The following RERE variants were observed in gnomAD, a reference collection of about 807,000 sequenced individuals.
RERE encodes arginine-glutamic acid dipeptide repeats protein.
In RERE, 40 loss-of-function variants were observed where a neutral mutation model predicts 146.1. The observed-to-expected ratio is 0.27, with a 90% CI of 0.21 to 0.36. RERE has a LOEUF of 0.36. Ranked by LOEUF, RERE falls within the 10% of genes least tolerant of loss-of-function variation. The pLI is 1.00. For missense variants in RERE, 1,933 were observed against 2,138.7 expected (o/e 0.90, Z 1.90); for synonymous variants, 1,003 against 866.0 (o/e 1.16, Z -2.78).
At chr1:8,591,828 A>C (rs1646497937) in intron 4 of RERE, among the ~76,000 whole-genome samples, 1 of 152,234 alleles carries the variant, frequency 6.6e-6, no homozygotes, top group Non-Finnish European at 1.5e-5. Flanking sequence ...TGTGAAACAC[A>C]TCTAACGTAT....
At chr1:8,634,833 T>G (rs1236721954) in intron 2 of RERE, among the ~76,000 whole-genome samples, 4 of 152,180 alleles carry the variant, frequency 2.6e-5, no homozygotes, top group Non-Finnish European at 5.9e-5. Context: ...CCTCCCAGGT[T>G]CAAGCCATTC....
At chr1:8,673,256 C>T (rs977841811) in intron 1 of RERE, among the ~76,000 whole-genome samples, 1 of 152,064 alleles carries the variant, frequency 6.6e-6, no homozygotes, top group African/African-American at 2.4e-5. Flanking sequence ...CCACCACACC[C>T]GGCTAATTTT....
intron 10 of RERE, among the ~76,000 whole-genome samples, chr1:8,481,650 A>G (rs1253385919): frequency 2.0e-5 from 3 of 152,246 alleles, no homozygotes; most frequent in African/African-American, 7.2e-5. Context: ...TTTCAATTTT[A>G]TAATCAGGAA....
At chr1:8,569,959 C>T (rs1434984678) in intron 4 of RERE, among the ~76,000 whole-genome samples, 1 of 152,098 alleles carries the variant, frequency 6.6e-6, no homozygotes, top group Non-Finnish European at 1.5e-5. Context: ...ACATCTTAAG[C>T]TTCAAGATTC....
Position 8,360,550 on chromosome 1 carries a change from G to A in RERE, c.2957C>T (p.Pro986Leu). Residue 986 changes from proline (P) to leucine (L), a missense_variant, in exon 18 of 23, where the codon CCA becomes CTA. Around this residue, in one of 11 missense-constraint regions of RERE, gnomAD observed 1,255 missense variants for 1,153.8 expected, o/e 1.09. Coordinates refer to ENST00000400908, the MANE Select transcript of RERE (RefSeq NM_001042681.2). The part of the protein sequence containing the change: ...STHHPPSAHP[P>L]PLQLMPQSQP... ...GCTCTGAGGCATGAGTTGCAGGGGT[G>A]GGGGGTGAGCCGACGGGGGGTGATG... The A allele has an allele frequency of 3.3e-6, 3 of 917,946 alleles. No homozygotes were observed. Among genetic ancestry groups the A allele is most frequent in the Non-Finnish European group, 4.4e-6 (3 of 678,944 alleles). 56.9% of individuals were successfully genotyped at this position (917,946 alleles called of 1,614,324 possible).
chr1:8,742,966 TA>T (rs1182706697), intron 1 of RERE, among the ~76,000 whole-genome samples: 1 of 152,106 alleles, frequency 6.6e-6, no homozygotes, highest in African/African-American at 2.4e-5. Flanking sequence ...GGGAAAAACT[TA>T]GGATACAAAC....
In RERE at chr1:8,579,715, T is replaced by C. The variant is rs111894980; in HGVS notation, c.523-22192A>G. Among the ~76,000 whole-genome samples, 446 of 152,356 alleles carry C rather than the reference T, an allele frequency of 2.9e-3. 2 individuals carry two copies. The highest frequency in any genetic ancestry group is 0.01 in the African/African-American group (425 of 41,576). Reference sequence around the variant, plus strand: ...GAAATCTGCATGCCATGCAAACTACTGCCTAAGGCGGGGCACAGTGGCTCA... The same window carrying C: ...GAAATCTGCATGCCATGCAAACTACCGCCTAAGGCGGGGCACAGTGGCTCA... On this transcript the variant is annotated intron_variant, in intron 4 of 22. Transcript: ENST00000400908.
chr1:8,628,201 C>T (rs948618053), intron 2 of RERE, among the ~76,000 whole-genome samples: 1 of 151,988 alleles, frequency 6.6e-6, no homozygotes, highest in Middle Eastern at 3.2e-3. Context: ...TCTATCAGTA[C>T]TTTGAAACAC....
intron 4 of RERE, among the ~76,000 whole-genome samples, chr1:8,559,283 A>AAAAAAAAAAAC (rs1197283468): frequency 1.4e-4 from 17 of 119,564 alleles, no homozygotes; most frequent in African/African-American, 5.2e-4. Context: ...TCCAGCTCAA[A>AAAAAAAAAAAC]AAAAAAAAAA....
At chr1:8,695,551 A>T (rs953941989) in intron 1 of RERE, among the ~76,000 whole-genome samples, 1 of 138,286 alleles carries the variant, frequency 7.2e-6, no homozygotes, top group Non-Finnish European at 1.5e-5. Flanking sequence ...GCAGTTTGAG[A>T]TCTGCCTGAA....
intron 4 of RERE, among the ~76,000 whole-genome samples, chr1:8,564,804 G>T (rs993502077): frequency 1.3e-4 from 20 of 148,722 alleles, no homozygotes; most frequent in African/African-American, 4.9e-4. Flanking sequence ...AATGTGGTGT[G>T]TGTGTATGTA....
At chr1:8,598,455 T>C (rs1185954311) in intron 4 of RERE, among the ~76,000 whole-genome samples, 2 of 152,234 alleles carry the variant, frequency 1.3e-5, no homozygotes, top group African/African-American at 4.8e-5. Flanking sequence ...TGCACCGTTC[T>C]GAGGCAGCAC....
Position 8,475,192 on chromosome 1 carries a change from G to A in RERE, c.1105-9169C>T, listed in dbSNP as rs371541594. 4.1e-3 allele frequency among the ~76,000 whole-genome samples: 629 copies of A among 152,066 alleles called. 4 individuals carry two copies. Among genetic ancestry groups the A allele is most frequent in the Non-Finnish European group, 6.0e-3 (411 of 67,984 alleles). ...AGTTCAAGACCAGCCTGGCCAACAC[G>A]GTGAAACCCTGTCTCTACCAAAAAC... On this transcript the variant is annotated intron_variant, in intron 10 of 22. Transcript: ENST00000400908.
At chr1:8,701,790 G>C (rs1639456770) in intron 1 of RERE, among the ~76,000 whole-genome samples, 1 of 150,314 alleles carries the variant, frequency 6.7e-6, no homozygotes, top group South Asian at 2.1e-4. Flanking sequence ...AAATTACAGA[G>C]TTAGAAAAAA....
chr1:8,388,928 C>T (rs1218523765), intron 12 of RERE, among the ~76,000 whole-genome samples: 3 of 152,164 alleles, frequency 2.0e-5, no homozygotes, highest in Non-Finnish European at 2.9e-5. Context: ...AGGTGCTGTC[C>T]GAGCTCCACA....
chr1:8,374,398 C>T (rs1642160450), intron 12 of RERE, among the ~76,000 whole-genome samples: 1 of 152,166 alleles, frequency 6.6e-6, no homozygotes, highest in South Asian at 2.1e-4. Flanking sequence ...ATTTACCACT[C>T]CATTTGTACA....
intron 1 of RERE, among the ~76,000 whole-genome samples, chr1:8,772,993 G>A (rs551527905): frequency 3.9e-5 from 6 of 151,986 alleles, no homozygotes; most frequent in Admixed American, 3.3e-4. Context: ...AAGCTGAGGC[G>A]CAAGAATCGC....
intron 1 of RERE, among the ~76,000 whole-genome samples, chr1:8,732,399 A>C (rs368939386): frequency 2.0e-5 from 3 of 152,236 alleles, no homozygotes; most frequent in African/African-American, 7.2e-5. Context: ...TACACACTAT[A>C]TGATTCCAAC....
chr1:8,676,214 A>G (rs1050059877), intron 1 of RERE, among the ~76,000 whole-genome samples: 3 of 152,238 alleles, frequency 2.0e-5, no homozygotes, highest in Non-Finnish European at 2.9e-5. Context: ...GTCACAGATT[A>G]GAATAACACA....
Sources: gnomAD v4.1 joint callset for allele counts (sites outside exome capture counted in the v4.1 genomes callset) on GRCh38, gnomAD v4.1.1 for gene constraint, gnomAD v4.1.1 regional missense constraint, MANE v1.5 for transcripts, NCBI Gene and HGNC (gene_info 2026-07-23, HGNC 2026-07-21) for gene names.